The following NID2 variants were observed in gnomAD, a reference collection of about 807,000 sequenced individuals.
The protein encoded by NID2 is nidogen-2.
A neutral mutation model predicts 145.4 loss-of-function variants in NID2; 83 were observed. The ratio of observed to expected loss-of-function variants is 0.57; its 90% CI spans 0.48 to 0.69. The LOEUF (loss-of-function observed/expected upper bound fraction) is 0.69, where lower values mean the gene tolerates loss of function less well. NID2 is among the 30% of genes least tolerant of loss of function. NID2 has a pLI of 0.00. For synonymous variants in NID2, 739 were observed against 701.3 expected (o/e 1.05, Z -0.85); for missense variants, 1,807 against 1,765.7 (o/e 1.02, Z -0.42).
intron 1 of NID2, 99 bp from the exon 2 acceptor site, chr14:52,068,262 T>G (rs1893297618): frequency 8.4e-7 from 1 of 1,191,868 alleles, no homozygotes; most frequent in Admixed American, 2.1e-5. Flanking sequence ...GCAAAAAGCC[T>G]CTCTCTCCTT....
At chr14:52,011,400 C>T (rs1373095448) in intron 17 of NID2, among the ~76,000 whole-genome samples, 154 bp downstream of exon 17, 1 of 152,186 alleles carries the variant, frequency 6.6e-6, no homozygotes, top group African/African-American at 2.4e-5. Context: ...TGTTTGCTTA[C>T]AGAGGGGGCT....
intron 2 of NID2, among the ~76,000 whole-genome samples, chr14:52,066,039 C>G (rs568745990): frequency 8.6e-5 from 13 of 151,754 alleles, no homozygotes; most frequent in Admixed American, 5.9e-4. Context: ...ATGGCTGGGT[C>G]AAATGGTATT....
intron 19 of NID2, 101 bp downstream of exon 19, chr14:52,007,709 G>C: frequency 1.9e-6 from 2 of 1,046,154 alleles, no homozygotes; most frequent in Non-Finnish European, 2.9e-6. Context: ...ACCAAAGAAA[G>C]GAGATCTAAG....
rs780806229 is a variant in NID2 at position 52,005,515 on chromosome 14, G to A, written c.4118-19C>T. The A allele has an allele frequency of 6.3e-7, 1 of 1,594,122 alleles. No homozygotes were observed. Among genetic ancestry groups the A allele is most frequent in the Admixed American group, 1.8e-5 (1 of 55,768 alleles). Reference sequence around the variant, plus strand: ...TTTCTTCCTGTGAGAGAAGAGCAGGGGTGGGACAGGGTGGTGGGTGAGTAT... The same window carrying A: ...TTTCTTCCTGTGAGAGAAGAGCAGGAGTGGGACAGGGTGGTGGGTGAGTAT... On this transcript the variant is annotated intron_variant, in intron 21 of 21. Transcript: ENST00000216286.
At chr14:52,008,462 C>CT (rs2140341608) in intron 18 of NID2, 1 of 152,938 alleles carries the variant, frequency 6.5e-6, no homozygotes, top group African/African-American at 2.4e-5. Flanking sequence ...GGATTCCTGA[C>CT]TCACAGAAAC....
At position 52,014,212 on chromosome 14, in the gene NID2, G is replaced by A. The variant is rs781653173; in HGVS notation, c.3420+75C>T. 1.9e-6 allele frequency: 3 copies of A among 1,592,200 alleles called. No homozygotes were observed. The Admixed American group carries it at 5.0e-5, about 27-fold the overall frequency. On this transcript the variant is annotated intron_variant, in intron 16 of 21. Coordinates refer to ENST00000216286, the MANE Select transcript of NID2 (RefSeq NM_007361.4). ...CTTCCCTGCACCAGTCCACCTCACT[G>A]CAACAGGGCCTGTGAGGTGGCTCCC...
intron 9 of NID2, among the ~76,000 whole-genome samples, chr14:52,030,515 GAAAAGAAAGAAAGAAAGAA>G (rs1566755368): frequency 4.1e-5 from 2 of 48,330 alleles, no homozygotes; most frequent in East Asian, 8.2e-4. Flanking sequence ...AAGAAAGAAA[GAAAAGAAAGAAAGAAAGAA>G]AGAAAGAAAG....
At chr14:52,053,485 T>C in intron 5 of NID2, 94 bp downstream of exon 5, 1 of 1,368,058 alleles carries the variant, frequency 7.3e-7, no homozygotes, top group Non-Finnish European at 1.0e-6. Flanking sequence ...TTGCTAAACT[T>C]TTCACCTACC....
At chr14:52,043,898 T>A (rs190554250) in intron 5 of NID2, among the ~76,000 whole-genome samples, 1 of 152,190 alleles carries the variant, frequency 6.6e-6, no homozygotes, top group Non-Finnish European at 1.5e-5. Context: ...CACCTCTGCC[T>A]CCACATCCCC....
At position 52,019,290 on chromosome 14, in the gene NID2, GGA is replaced by G; in HGVS notation, c.2797_2798del (p.Ser933HisfsTer8). 6.3e-7 allele frequency: 1 copy of G among 1,581,370 alleles called. No homozygotes were observed. The highest frequency in any genetic ancestry group is 1.1e-5 in the South Asian group (1 of 88,504). ...GTTCACAGGGTGTCAGGCTTGAGGT[GGA>G]GTCTTCCAGGATCAAGGCAGAGGAA... is the stretch of plus-strand genomic sequence containing the variant. ...YGDGFQCIPD[S>X]TSSLTPCEQQ... On this transcript the variant is annotated frameshift_variant and splice_region_variant, in exon 14 of 22. Transcript: ENST00000216286. LOFTEE classifies it high-confidence loss of function.
At chr14:52,039,117 T>A (rs1892184487) in intron 8 of NID2, 140 bp from the exon 9 acceptor site, 2 of 663,832 alleles carry the variant, frequency 3.0e-6, no homozygotes, top group Admixed American at 6.2e-5. Flanking sequence ...TGAAAAAATG[T>A]GTAAGGAAAT....
intron 11 of NID2, 74 bp downstream of exon 11, chr14:52,028,648 A>G: frequency 6.6e-7 from 1 of 1,523,648 alleles, no homozygotes; most frequent in South Asian, 1.3e-5. Context: ...GCAGAAGTCA[A>G]AACACTGACA....
intron 9 of NID2, among the ~76,000 whole-genome samples, chr14:52,030,548 G>GA (rs769133687): frequency 2.0e-5 from 1 of 49,426 alleles, no homozygotes; most frequent in African/African-American, 6.9e-5. Context: ...AAGAAAGAAA[G>GA]AAAGAAAGAA....
chr14:52,012,674 GTC>G (rs1891076028), intron 16 of NID2, among the ~76,000 whole-genome samples: 1 of 149,806 alleles, frequency 6.7e-6, no homozygotes, highest in African/African-American at 2.5e-5. Flanking sequence ...GGCTAGTGAG[GTC>G]TCTCCTCCTC....
At chr14:52,020,740 T>G (rs2140362859) in intron 12 of NID2, among the ~76,000 whole-genome samples, 1 of 152,328 alleles carries the variant, frequency 6.6e-6, no homozygotes. Flanking sequence ...ACCAGGTATT[T>G]TCTTTACTTT....
chr14:52,029,547 C>T lies in NID2; in HGVS notation c.2401G>A (p.Asp801Asn). Residue 801 changes from aspartate (D) to asparagine (N), a missense_variant and splice_region_variant, in exon 10 of 22, where the codon GAT becomes AAT. Coordinates refer to ENST00000216286, the MANE Select transcript of NID2 (RefSeq NM_007361.4). ...GYQGDGRNCV[D>N]ENECATGFHR... ...GGAGACACGAGAACATGGCTCTTACCCACACAGTTCCGTCCATCTCCCTGG... is the reference window on the plus strand; with the variant it reads ...GGAGACACGAGAACATGGCTCTTACTCACACAGTTCCGTCCATCTCCCTGG... The T allele has an allele frequency of 6.2e-7, 1 of 1,609,956 alleles. No individual in the cohort carries two copies. The highest frequency in any genetic ancestry group is 2.2e-5 in the East Asian group (1 of 44,786).
chr14:52,042,357 G>A lies in NID2; in HGVS notation c.1580-7C>T. 6.2e-7 allele frequency: 1 copy of A among 1,603,218 alleles called. No individual in the cohort carries two copies. The highest frequency in any genetic ancestry group is 1.7e-4 in the Middle Eastern group (1 of 6,020). On this transcript the variant is annotated splice_region_variant and splice_polypyrimidine_tract_variant and intron_variant, in intron 6 of 21. Transcript: ENST00000216286. ...TTCACTCGGTGAGGTGCCCCTAAAA[G>A]ACAGCAAATCCAGTTAGGCTTGGAC...
intron 12 of NID2, among the ~76,000 whole-genome samples, chr14:52,025,138 G>C (rs1472724117): frequency 6.6e-6 from 1 of 152,192 alleles, no homozygotes; most frequent in Non-Finnish European, 1.5e-5. Context: ...GCTGGTACTA[G>C]GGTTAAACCA....
intron 9 of NID2, among the ~76,000 whole-genome samples, chr14:52,038,410 C>A (rs1892151070): frequency 6.6e-6 from 1 of 152,240 alleles, no homozygotes; most frequent in South Asian, 2.1e-4. Flanking sequence ...TCTCATCACA[C>A]TTGTAACAAA....
Sources: gnomAD v4.1 joint callset for allele counts (sites outside exome capture counted in the v4.1 genomes callset) on GRCh38, gnomAD v4.1.1 for gene constraint, MANE v1.5 for transcripts, NCBI Gene and HGNC (gene_info 2026-07-23, HGNC 2026-07-21) for gene names.